The following ERC2 variants were observed in gnomAD, a reference collection of about 807,000 sequenced individuals.
ERC2 encodes ELKS/RAB6-interacting/CAST family member 2.
Under a neutral mutation model 114.8 loss-of-function variants are expected in ERC2, and 42 were observed. The ratio of observed to expected loss-of-function variants is 0.37; its 90% confidence interval spans 0.29 to 0.47. ERC2 has a LOEUF of 0.47. ERC2 is among the 20% of genes least tolerant of loss of function. The probability of loss-of-function intolerance (pLI) is 0.99; values close to 1 mark genes in which losing one functional copy is unlikely to be tolerated. For synonymous variants in ERC2, 454 were observed against 425.5 expected, an observed-to-expected ratio of 1.07 and a Z score of -0.82; for missense variants, 939 against 1,150.7, an observed-to-expected ratio of 0.82 and a Z score of 2.66.
At chr3:56,133,031 T>C (rs1394802907) in intron 6 of ERC2, among the ~76,000 whole-genome samples, 1 of 152,224 alleles carries the variant, frequency 6.6e-6, no homozygotes, top group African/African-American at 2.4e-5. Context: ...GAGTTATTCA[T>C]TCTTATCCCC....
rs116724846 is a variant in ERC2, at chr3:55,806,108, G to A, written c.2565-71190C>T. 4.9e-3 allele frequency among the ~76,000 whole-genome samples: 751 copies of A among 152,218 alleles called. 5 individuals are homozygous for A. Among genetic ancestry groups the A allele is most frequent in the African/African-American group, 0.017 (709 of 41,544 alleles). On this transcript the variant is annotated intron_variant, in intron 14 of 17. Coordinates refer to ENST00000288221, the MANE Select transcript of ERC2 (RefSeq NM_015576.3). The stretch of plus-strand genomic sequence containing the variant: ...CCAGCACTTTGGGATGCCAAGGTGC[G>A]CAGATCAATTGAGGTCAGGAGTTCG...
intron 17 of ERC2, among the ~76,000 whole-genome samples, chr3:55,669,426 C>A (rs992251303): frequency 1.3e-4 from 20 of 152,234 alleles, no homozygotes; most frequent in African/African-American, 4.8e-4. Flanking sequence ...GCTTTCTCAA[C>A]AAGCTGTTTC....
intron 15 of ERC2, among the ~76,000 whole-genome samples, chr3:55,714,214 T>A (rs1014275231): frequency 6.6e-6 from 1 of 152,208 alleles, no homozygotes; most frequent in African/African-American, 2.4e-5. Flanking sequence ...GGTGCTTTCA[T>A]CCACTGTTGG....
At chr3:55,583,158 C>G (rs1575653426) in intron 17 of ERC2, among the ~76,000 whole-genome samples, 1 of 152,134 alleles carries the variant, frequency 6.6e-6, no homozygotes, top group Non-Finnish European at 1.5e-5. Flanking sequence ...AGAGAGGGGA[C>G]TTGGATCATT....
At chr3:55,894,304 C>T (rs1033634877) in intron 13 of ERC2, among the ~76,000 whole-genome samples, 10 of 152,054 alleles carry the variant, frequency 6.6e-5, no homozygotes, top group South Asian at 2.1e-4. Flanking sequence ...AACTTGGAGG[C>T]AAAATTTGCT....
intron 10 of ERC2, among the ~76,000 whole-genome samples, chr3:55,998,853 T>C (rs1245094204): frequency 1.1e-4 from 16 of 152,160 alleles, no homozygotes; most frequent in Admixed American, 1.0e-3. Flanking sequence ...CTGCTAAATA[T>C]GTGTTGAGAA....
intron 17 of ERC2, among the ~76,000 whole-genome samples, chr3:55,577,593 T>C (rs914631327): frequency 1.3e-5 from 2 of 152,130 alleles, no homozygotes; most frequent in African/African-American, 4.8e-5. Flanking sequence ...AGGAATTTTA[T>C]AGCAGGAGGA....
chr3:56,332,378 G>A (rs1283403440), intron 2 of ERC2, among the ~76,000 whole-genome samples: 1 of 152,160 alleles, frequency 6.6e-6, no homozygotes, highest in African/African-American at 2.4e-5. Context: ...ACCTGCTGAT[G>A]CCATCATTTA....
chr3:56,448,939 G>T lies in ERC2; in HGVS notation c.-140-13792C>A, dbSNP rs545943997. 8.5e-4 allele frequency among the ~76,000 whole-genome samples: 130 copies of T among 152,160 alleles called. 3 individuals carry two copies. In the South Asian group the frequency reaches 0.027, roughly 31 times the overall value. On this transcript the variant is annotated intron_variant, in intron 1 of 17. Transcript: ENST00000288221. The stretch of plus-strand genomic sequence containing the variant: ...AAATACAAAACATTAGCCAGGCGTG[G>T]TGGCAGGCGCCTGTAGTCCCAGCTA...
intron 14 of ERC2, among the ~76,000 whole-genome samples, chr3:55,768,429 C>A (rs2067969787): frequency 6.6e-6 from 1 of 152,156 alleles, no homozygotes; most frequent in African/African-American, 2.4e-5. Context: ...CAGTGGTGAA[C>A]ACAAAGGACT....
intron 15 of ERC2, 106 bp downstream of exon 15, chr3:55,734,665 T>G: frequency 1.4e-6 from 2 of 1,398,208 alleles, no homozygotes; most frequent in Non-Finnish European, 9.6e-7. Flanking sequence ...TTTAGGAGCT[T>G]GAGCCCACAG....
chr3:55,686,281 A>G (rs959100676), intron 16 of ERC2, among the ~76,000 whole-genome samples: 1 of 152,232 alleles, frequency 6.6e-6, no homozygotes, highest in African/African-American at 2.4e-5. Context: ...ATGTGGCAGA[A>G]ATGTGGATAA....
chr3:56,366,093 T>C (rs955193933), intron 2 of ERC2, among the ~76,000 whole-genome samples: 1 of 152,190 alleles, frequency 6.6e-6, no homozygotes, highest in African/African-American at 2.4e-5. Flanking sequence ...GCTTCCTTAC[T>C]TTTTGTCCCT....
At chr3:55,638,352 C>T (rs1020018248) in intron 17 of ERC2, among the ~76,000 whole-genome samples, 1 of 152,102 alleles carries the variant, frequency 6.6e-6, no homozygotes, top group Non-Finnish European at 1.5e-5. Context: ...TGGTTAATGT[C>T]GAGTTCTTTC....
In ERC2 at chr3:56,296,363, G is replaced by C; in HGVS notation, c.730C>G (p.Gln244Glu). 1 of 1,614,046 alleles carries C rather than the reference G, an allele frequency of 6.2e-7. No homozygotes were observed. The highest frequency in any genetic ancestry group is 1.1e-5 in the South Asian group (1 of 91,086). ...TCCGCTCCTCGGTTGCCACTCTCTT[G>C]CTGGAGGAGGTGGTTGAGGTCTCTC... Reference protein sequence around the residue: ...TQRDLNHLLQQESGNRGAEHF... With the variant: ...TQRDLNHLLQEESGNRGAEHF... The change falls in exon 3 of 18, where the codon CAA (glutamine) becomes GAA (glutamate). Residue 244 changes from glutamine to glutamate, a missense_variant. Gln to Glu is a conservative substitution (Grantham distance 29, BLOSUM62 2). This residue lies in a region of ERC2 where 281 missense variants were observed against 307.4 expected (regional missense o/e 0.91). Coordinates refer to ENST00000288221, the MANE Select transcript of ERC2 (RefSeq NM_015576.3).
At chr3:55,884,035 G>T (rs1422257095) in intron 14 of ERC2, among the ~76,000 whole-genome samples, 9 of 152,186 alleles carry the variant, frequency 5.9e-5, no homozygotes, top group Admixed American at 5.9e-4. Flanking sequence ...ATGTGATGTT[G>T]TACTTTAGTT....
chr3:56,143,441 G>A (rs1379073598), intron 5 of ERC2, among the ~76,000 whole-genome samples: 1 of 152,108 alleles, frequency 6.6e-6, no homozygotes, highest in African/African-American at 2.4e-5. Flanking sequence ...ATGGGGGAGG[G>A]GCCAGTCTTT....
rs2063654422 is a variant in ERC2 at position 56,468,398 on chromosome 3, G to C, written c.-291C>G. On this transcript the variant is annotated 5_prime_UTR_variant, in exon 1 of 18. Coordinates refer to ENST00000288221, the MANE Select transcript of ERC2 (RefSeq NM_015576.3). ...AGGCGGAGGAAGAGGAGGAGAAGCG[G>C]GGCGGGGAACAGGGAGGGAGGAAAG... 1 of 153,464 alleles carries C rather than the reference G, an allele frequency of 6.5e-6. No individual in the cohort carries two copies. The allele number at this position is 153,464 out of a possible 1,614,324, so 9.5% of individuals were successfully genotyped here.
chr3:55,928,431 C>A (rs181701326), intron 13 of ERC2, among the ~76,000 whole-genome samples: 1 of 152,074 alleles, frequency 6.6e-6, no homozygotes, highest in East Asian at 1.9e-4. Flanking sequence ...TGTCTATTCA[C>A]GTCTTTTGCC....
Sources: gnomAD v4.1 joint callset for allele counts (sites outside exome capture counted in the v4.1 genomes callset) on GRCh38, gnomAD v4.1.1 for gene constraint, gnomAD v4.1.1 regional missense constraint, MANE v1.5 for transcripts, NCBI Gene and HGNC (gene_info 2026-07-23, HGNC 2026-07-21) for gene names.